The following LRP8 variants were observed in gnomAD, a reference collection of about 807,000 sequenced individuals.
The protein encoded by LRP8 is low-density lipoprotein receptor-related protein 8.
In LRP8, 46 loss-of-function variants were observed where a neutral mutation model predicts 111.6. The ratio of observed to expected loss-of-function variants is 0.41; its 90% CI spans 0.33 to 0.53. The LOEUF (loss-of-function observed/expected upper bound fraction) is 0.53. Among genes scored for constraint, LRP8 ranks in the 20% least tolerant of loss-of-function variants. The pLI, the probability that LRP8 is intolerant of heterozygous loss-of-function variation, is 0.20. For synonymous variants in LRP8, 464 were observed against 511.2 expected (o/e 0.91, Z 1.24); for missense variants, 959 against 1,297.4 (o/e 0.74, Z 4.01).
In LRP8 at chr1:53,326,969, C is replaced by G; in HGVS notation, c.148G>C (p.Asp50His). The G allele has an allele frequency of 1.2e-6, 2 of 1,613,730 alleles. No individual in the cohort carries two copies. Among genetic ancestry groups the G allele is most frequent in the Non-Finnish European group, 1.7e-6 (2 of 1,179,980 alleles). ...CGCTCGTTCCGGCACTGGAATTGGTCCTTTTCGCAATCCTTGGCCGGCCCT... is the reference window on the plus strand; with the variant it reads ...CGCTCGTTCCGGCACTGGAATTGGTGCTTTTCGCAATCCTTGGCCGGCCCT... ...GQGPAKDCEK[D>H]QFQCRNERCI... Residue 50 changes from aspartate to histidine, a missense_variant, in exon 2 of 19, where the codon GAC becomes CAC. By Grantham distance (81) the Asp-to-His change is moderately conservative (BLOSUM62 -1). Around this residue, in one of 3 missense-constraint regions of LRP8, gnomAD observed 97 missense variants for 107.5 expected, o/e 0.90. Coordinates refer to ENST00000306052, the MANE Select transcript of LRP8 (RefSeq NM_004631.5).
intron 16 of LRP8, among the ~76,000 whole-genome samples, chr1:53,251,115 G>A (rs1474918565): frequency 6.6e-6 from 1 of 152,140 alleles, no homozygotes; most frequent in Admixed American, 6.5e-5. Context: ...TCTCTCATGT[G>A]TGCTCCCAGA....
rs1253973597 is a variant in LRP8, at chr1:53,242,562, A to G, written c.*4456T>C. On this transcript the variant is annotated 3_prime_UTR_variant, in exon 19 of 19. Coordinates refer to ENST00000306052, the MANE Select transcript of LRP8 (RefSeq NM_004631.5). ...CAGAAGCTAACGGAACTTGAATGAC[A>G]AGACAAAAAGAGCAGAATCAGTTAG... 6.6e-6 allele frequency: 1 copy of G among 152,182 alleles called. No individual in the cohort carries two copies. Among genetic ancestry groups the G allele is most frequent in the African/African-American group, 2.4e-5 (1 of 41,440 alleles). 9.4% of individuals were successfully genotyped at this position (152,182 alleles called of 1,614,324 possible).
At chr1:53,253,810 A>G (rs1273793135) in intron 16 of LRP8, among the ~76,000 whole-genome samples, 1 of 152,158 alleles carries the variant, frequency 6.6e-6, no homozygotes, top group African/African-American at 2.4e-5. Context: ...CCATCCCTTC[A>G]CAAGAGTATC....
intron 2 of LRP8, among the ~76,000 whole-genome samples, chr1:53,313,296 C>T (rs770582623): frequency 5.3e-5 from 8 of 152,102 alleles, no homozygotes; most frequent in Non-Finnish European, 8.8e-5. Context: ...CCAAAGGCTC[C>T]AGTCCACAGC....
intron 7 of LRP8, 37 bp from the exon 8 acceptor site, chr1:53,271,190 A>ATCTGCT: frequency 6.8e-6 from 11 of 1,613,702 alleles, no homozygotes; most frequent in Non-Finnish European, 8.5e-6. Flanking sequence ...CAGCAGGAGG[A>ATCTGCT]TCTGCTTCTG....
chr1:53,259,878 C>G (rs1378285726), intron 13 of LRP8, among the ~76,000 whole-genome samples: 3 of 152,224 alleles, frequency 2.0e-5, no homozygotes, highest in Non-Finnish European at 2.9e-5. Context: ...ATCTTAGCTC[C>G]TTACACTCCC....
chr1:53,300,545 C>A (rs1197178682), intron 2 of LRP8, among the ~76,000 whole-genome samples: 1 of 152,252 alleles, frequency 6.6e-6, no homozygotes, highest in African/African-American at 2.4e-5. Context: ...TGTGCCCACC[C>A]TGGCCGTCAG....
chr1:53,327,422 A>C (rs948564816), intron 1 of LRP8: 4 of 261,996 alleles, frequency 1.5e-5, no homozygotes, highest in Non-Finnish European at 2.9e-5. Flanking sequence ...TGTCAAGCGG[A>C]GAAGCCGCCC....
Position 53,266,946 on chromosome 1 carries a change from AC to A in LRP8, c.1253-300del. The stretch of plus-strand genomic sequence containing the variant: ...TGCACTGAAAGCCTTCCACAGTGTG[AC>A]CCCAAGTTCCCTGTCCAGCCTCATT... On this transcript the variant is annotated intron_variant, in intron 8 of 18. Coordinates refer to ENST00000306052, the MANE Select transcript of LRP8 (RefSeq NM_004631.5). This position sits in a 1 kb window ranked among gnomAD's most constrained non-coding sequence, Gnocchi z 5.0. 1 of 313,404 alleles carries A rather than the reference AC, an allele frequency of 3.2e-6. No homozygotes were observed. The highest frequency in any genetic ancestry group is 6.3e-5 in the East Asian group (1 of 15,834). The allele number at this position is 313,404 out of a possible 1,614,324, so 19.4% of individuals were successfully genotyped here.
At chr1:53,320,882 T>C (rs998181921) in intron 2 of LRP8, among the ~76,000 whole-genome samples, 1 of 151,896 alleles carries the variant, frequency 6.6e-6, no homozygotes, top group Admixed American at 6.6e-5. Flanking sequence ...TTAAGAAGAG[T>C]CTGGGCTCCA....
rs925422951 is a variant in LRP8, at chr1:53,246,641, G to GC, written c.*376dup. 1.9e-5 allele frequency: 3 copies of GC among 156,032 alleles called. No homozygotes were observed. Among genetic ancestry groups the GC allele is most frequent in the Non-Finnish European group, 1.3e-5 (1 of 75,206 alleles). The allele number at this position is 156,032 out of a possible 1,614,324, so 9.7% of individuals were successfully genotyped here. A position where few individuals can be genotyped will look rare whatever the true frequency, so the allele number is the denominator to read the frequency against. Reference sequence around the variant, plus strand: ...AACAAATGCCCCAAAACCTAAAAAAGCCCCCCCAGCAACCAAACATCTTCT... The same window carrying GC: ...AACAAATGCCCCAAAACCTAAAAAAGCCCCCCCCAGCAACCAAACATCTTCT... On this transcript the variant is annotated 3_prime_UTR_variant, in exon 19 of 19. Coordinates refer to ENST00000306052, the MANE Select transcript of LRP8 (RefSeq NM_004631.5).
chr1:53,290,234 C>G (rs886435089), intron 2 of LRP8, among the ~76,000 whole-genome samples: 6 of 152,118 alleles, frequency 3.9e-5, no homozygotes, highest in African/African-American at 1.4e-4. Flanking sequence ...CAGTCCCTGC[C>G]CCCCGGTGCC....
At chr1:53,252,810 A>C (rs888539398) in intron 16 of LRP8, among the ~76,000 whole-genome samples, 6 of 152,254 alleles carry the variant, frequency 3.9e-5, no homozygotes, top group Non-Finnish European at 7.3e-5. Context: ...ATTTTTATAG[A>C]ATTGATAAGA....
At chr1:53,258,170 T>G in intron 14 of LRP8, 149 bp downstream of exon 14, 1 of 697,606 alleles carries the variant, frequency 1.4e-6, no homozygotes, top group Non-Finnish European at 2.2e-6. Context: ...TCAAGGAAGG[T>G]AAAAAAGAGA....
chr1:53,319,055 T>A (rs896388269), intron 2 of LRP8, among the ~76,000 whole-genome samples: 2 of 152,118 alleles, frequency 1.3e-5, no homozygotes, highest in African/African-American at 4.8e-5. Context: ...TTGAAGTGAG[T>A]TTTAGCTCCA....
Position 53,308,178 on chromosome 1 carries a change from C to T in LRP8, c.245-18489G>A, listed in dbSNP as rs139670706. On this transcript the variant is annotated intron_variant, in intron 2 of 18. Coordinates refer to ENST00000306052, the MANE Select transcript of LRP8 (RefSeq NM_004631.5). ...TCGGGGCTGCACATCCAAATCCAAA[C>T]ACACCTTTGCTGAGCCCTACTGTGC... 1.1e-3 allele frequency among the ~76,000 whole-genome samples: 175 copies of T among 152,366 alleles called. 3 individuals carry two copies. The highest frequency in any genetic ancestry group is 4.0e-3 in the African/African-American group (165 of 41,596).
Position 53,280,573 on chromosome 1 carries a change from G to T in LRP8, c.496+14C>A. ...CATGCTTGGCAGACCCTGGAGATCT[G>T]ACCCCAGACTCACAGGTAGCACAGC... is the stretch of plus-strand genomic sequence containing the variant. On this transcript the variant is annotated intron_variant, in intron 4 of 18. Transcript: ENST00000306052. 1.2e-6 allele frequency: 2 copies of T among 1,610,650 alleles called. No individual in the cohort carries two copies. The highest frequency in any genetic ancestry group is 2.2e-5 in the South Asian group (2 of 90,984).
rs1649124321 is a variant in LRP8 at position 53,293,304 on chromosome 1, G to A, written c.245-3615C>T. On this transcript the variant is annotated intron_variant, in intron 2 of 18. Transcript: ENST00000306052. This position sits in a 1 kb window ranked among gnomAD's most constrained non-coding sequence, Gnocchi z 4.9. ...GGTCAGCCCCGCCCAGGAAATGGCA[G>A]CTGCAGGGAGAGTGGTGTTTTTGGC... is the stretch of plus-strand genomic sequence containing the variant. Among the ~76,000 whole-genome samples, 1 of 152,228 alleles carries A rather than the reference G, an allele frequency of 6.6e-6. No individual in the cohort carries two copies. Among genetic ancestry groups the A allele is most frequent in the African/African-American group, 2.4e-5 (1 of 41,460 alleles).
chr1:53,277,199 G>T (rs1557789169), intron 4 of LRP8, 121 bp from the exon 5 acceptor site: 1 of 1,308,678 alleles, frequency 7.6e-7, no homozygotes, highest in Non-Finnish European at 9.8e-7. Flanking sequence ...GCCCTTTGGG[G>T]GCTGAATGGT....
Sources: allele counts gnomAD v4.1 joint callset (sites outside exome capture counted in the v4.1 genomes callset), GRCh38; gene constraint gnomAD v4.1.1; regional missense constraint gnomAD v4.1.1; non-coding constraint Gnocchi (gnomAD v3.1); transcripts MANE v1.5; gene names NCBI Gene and HGNC (gene_info 2026-07-23, HGNC 2026-07-21).